Variants in IMMP2L observed in about 807,000 individuals in gnomAD.
IMMP2L encodes mitochondrial inner membrane protease subunit 2.
Under a neutral mutation model 19.3 loss-of-function variants are expected in IMMP2L, and 18 were observed. The ratio of observed to expected loss-of-function variants is 0.93; its 90% confidence interval spans 0.64 to 1.38. IMMP2L has a LOEUF of 1.38. Ranked by LOEUF, IMMP2L falls within the 40% of genes most tolerant of loss-of-function variation. IMMP2L has a pLI of 0.00. For synonymous variants in IMMP2L, 76 were observed against 73.0 expected, an observed-to-expected ratio of 1.04 and a Z score of -0.21; for missense variants, 233 against 218.2, an observed-to-expected ratio of 1.07 and a Z score of -0.43.
rs186910876 is a variant in IMMP2L at position 111,195,434 on chromosome 7, A to T, written c.240-231869T>A. Among the ~76,000 whole-genome samples, 723 of 151,924 alleles carry T rather than the reference A, an allele frequency of 4.8e-3. 3 individuals carry two copies. The highest frequency in any genetic ancestry group is 7.8e-3 in the Admixed American group (120 of 15,294). On this transcript the variant is annotated intron_variant, in intron 3 of 5. Coordinates refer to ENST00000405709, the MANE Select transcript of IMMP2L (RefSeq NM_032549.4). Reference sequence around the variant, plus strand: ...AATATAAACTTGCAAGGAATAAAAAAGAGATAGACTGGAAGAATATAGGAG... The same window carrying T: ...AATATAAACTTGCAAGGAATAAAAATGAGATAGACTGGAAGAATATAGGAG...
chr7:110,799,529 T>A (rs1469118751), intron 5 of IMMP2L, among the ~76,000 whole-genome samples: 1 of 152,030 alleles, frequency 6.6e-6, no homozygotes, highest in Non-Finnish European at 1.5e-5. Flanking sequence ...TGGAAGCATG[T>A]CATGTAATAT....
chr7:111,298,051 ATATAT>A (rs779319660), intron 3 of IMMP2L, among the ~76,000 whole-genome samples: 63 of 152,296 alleles, frequency 4.1e-4, no homozygotes, highest in Middle Eastern at 3.4e-3. Context: ...ATCTTATTAT[ATATAT>A]TATAACTTAA....
chr7:111,061,986 T>C (rs1794058339), intron 3 of IMMP2L, among the ~76,000 whole-genome samples: 1 of 152,236 alleles, frequency 6.6e-6, no homozygotes, highest in Admixed American at 6.5e-5. Flanking sequence ...ATTTCAGAGC[T>C]GGCTCCTTTC....
intron 3 of IMMP2L, among the ~76,000 whole-genome samples, chr7:111,473,087 A>T (rs1398617499): frequency 6.6e-6 from 1 of 152,212 alleles, no homozygotes; most frequent in African/African-American, 2.4e-5. Flanking sequence ...CCAAAATGAC[A>T]TTATTAAAAA....
At chr7:110,689,532 G>C (rs1404922) in intron 5 of IMMP2L, among the ~76,000 whole-genome samples, 1 of 151,890 alleles carries the variant, frequency 6.6e-6, no homozygotes, top group African/African-American at 2.4e-5. Context: ...ATTTCTAAAA[G>C]TCAGCTTTTT....
chr7:111,555,109 C>T (rs1791118726), intron 1 of IMMP2L, among the ~76,000 whole-genome samples: 3 of 152,068 alleles, frequency 2.0e-5, no homozygotes, highest in Non-Finnish European at 4.4e-5. Context: ...CCATATATAT[C>T]TTTGTATCCA....
At chr7:111,340,004 G>A (rs1471365927) in intron 3 of IMMP2L, among the ~76,000 whole-genome samples, 1 of 151,834 alleles carries the variant, frequency 6.6e-6, no homozygotes, top group African/African-American at 2.4e-5. Flanking sequence ...GTAGATCACT[G>A]ATACTACCAT....
chr7:111,340,147 T>C (rs1826867799), intron 3 of IMMP2L, among the ~76,000 whole-genome samples: 1 of 152,056 alleles, frequency 6.6e-6, no homozygotes, highest in Admixed American at 6.6e-5. Context: ...AAAGTTCCTT[T>C]TTCCTGACTT....
chr7:111,428,752 C>T (rs1836336739), intron 3 of IMMP2L, among the ~76,000 whole-genome samples: 1 of 151,684 alleles, frequency 6.6e-6, no homozygotes, highest in South Asian at 2.1e-4. Flanking sequence ...ACCACCTTTC[C>T]AAACCTATTA....
At chr7:111,383,806 C>T (rs902670554) in intron 3 of IMMP2L, among the ~76,000 whole-genome samples, 4 of 152,014 alleles carry the variant, frequency 2.6e-5, no homozygotes, top group African/African-American at 9.7e-5. Flanking sequence ...TCTGCCCCTC[C>T]TGAAATCCCC....
chr7:111,443,537 T>G (rs1455591172), intron 3 of IMMP2L, among the ~76,000 whole-genome samples: 2 of 152,170 alleles, frequency 1.3e-5, no homozygotes, highest in Non-Finnish European at 2.9e-5. Flanking sequence ...AAGTCTCCTC[T>G]GAAGAGTTCT....
chr7:111,273,622 TA>T (rs1818714293), intron 3 of IMMP2L, among the ~76,000 whole-genome samples: 1 of 151,990 alleles, frequency 6.6e-6, no homozygotes, highest in Non-Finnish European at 1.5e-5. Context: ...GATTCAGAGA[TA>T]GGGGACATTC....
intron 5 of IMMP2L, among the ~76,000 whole-genome samples, chr7:110,801,665 C>G (rs1008495107): frequency 6.6e-6 from 1 of 152,026 alleles, no homozygotes; most frequent in South Asian, 2.1e-4. Flanking sequence ...CCCTCTGATA[C>G]TGAAAAAGGA....
chr7:110,779,885 T>C (rs376250050), intron 5 of IMMP2L, among the ~76,000 whole-genome samples: 1 of 151,742 alleles, frequency 6.6e-6, no homozygotes, highest in South Asian at 2.1e-4. Flanking sequence ...ACTGCCTAAC[T>C]AGGAAGTTAG....
At chr7:111,226,303 G>A (rs1364623225) in intron 3 of IMMP2L, among the ~76,000 whole-genome samples, 1 of 151,798 alleles carries the variant, frequency 6.6e-6, no homozygotes, top group Non-Finnish European at 1.5e-5. Context: ...ACAGCCATGT[G>A]CCACCATGCC....
At chr7:110,962,870 C>T in intron 4 of IMMP2L, 1 of 1,316,552 alleles carries the variant, frequency 7.6e-7, no homozygotes, top group East Asian at 2.9e-5. Context: ...CTGGCTACAA[C>T]TTGTTTAAAG....
chr7:110,789,643 T>TA (rs1800327247), intron 5 of IMMP2L, among the ~76,000 whole-genome samples: 1 of 151,700 alleles, frequency 6.6e-6, no homozygotes, highest in Non-Finnish European at 1.5e-5. Flanking sequence ...TCCTTTATGA[T>TA]ATAGATTAAA....
chr7:110,756,055 G>A (rs1798022485), intron 5 of IMMP2L, among the ~76,000 whole-genome samples: 1 of 152,130 alleles, frequency 6.6e-6, no homozygotes, highest in African/African-American at 2.4e-5. Flanking sequence ...GTGGATGACA[G>A]ATTTAACAGC....
chr7:110,840,327 T>A (rs968222902), intron 5 of IMMP2L, among the ~76,000 whole-genome samples: 1 of 152,116 alleles, frequency 6.6e-6, no homozygotes, highest in Non-Finnish European at 1.5e-5. Context: ...TCCACCAAAT[T>A]GAATGTGCCA....
Sources: allele counts gnomAD v4.1 joint callset (sites outside exome capture counted in the v4.1 genomes callset), GRCh38; gene constraint gnomAD v4.1.1; transcripts MANE v1.5; gene names NCBI Gene and HGNC (gene_info 2026-07-23, HGNC 2026-07-21).